The following SWT1 variants were observed in gnomAD, a reference collection of about 807,000 sequenced individuals.
SWT1 encodes the protein transcriptional protein SWT1.
SWT1 carries 33 observed loss-of-function variants against 107.3 expected under a neutral mutation model. The ratio of observed to expected loss-of-function variants is 0.31; its 90% CI spans 0.23 to 0.41. SWT1 has a LOEUF of 0.41. Ranked by LOEUF, SWT1 falls within the 10% of genes least tolerant of loss-of-function variation. SWT1 has a pLI of 1.00. For missense variants in SWT1, 898 were observed against 1,028.9 expected, an observed-to-expected ratio of 0.87 and a Z score of 1.74; for synonymous variants, 345 against 348.3, an observed-to-expected ratio of 0.99 and a Z score of 0.11.
chr1:185,235,851 A>G (rs896948282), intron 16 of SWT1, among the ~76,000 whole-genome samples: 4 of 152,232 alleles, frequency 2.6e-5, no homozygotes, highest in Non-Finnish European at 5.9e-5. Context: ...CAACTTCAGC[A>G]AAGTCTCAGG....
chr1:185,208,349 G>A (rs1658498679), intron 13 of SWT1, among the ~76,000 whole-genome samples: 1 of 152,172 alleles, frequency 6.6e-6, no homozygotes, highest in African/African-American at 2.4e-5. Flanking sequence ...ATTACCAGAG[G>A]ATGGGGAAGG....
chr1:185,167,606 T>C (rs1041234768), intron 3 of SWT1, among the ~76,000 whole-genome samples: 3 of 152,260 alleles, frequency 2.0e-5, no homozygotes, highest in Non-Finnish European at 4.4e-5. Context: ...GCTGAAAATC[T>C]TTACTCACTA....
chr1:185,207,603 T>C (rs1336592253), intron 13 of SWT1, among the ~76,000 whole-genome samples: 1 of 152,252 alleles, frequency 6.6e-6, no homozygotes, highest in Non-Finnish European at 1.5e-5. Flanking sequence ...TGTCTTGTTA[T>C]GCCTTTAAAA....
At chr1:185,264,099 A>G (rs886286404) in intron 16 of SWT1, 2 of 152,608 alleles carry the variant, frequency 1.3e-5, no homozygotes, top group African/African-American at 4.8e-5. Context: ...TGGGTAGGGC[A>G]TAGTCCCTGT....
rs1558012068 is a variant in SWT1 at position 185,174,434 on chromosome 1, C to T, written c.287C>T (p.Pro96Leu). 1.2e-6 allele frequency: 2 copies of T among 1,601,590 alleles called. No homozygotes were observed. The highest frequency in any genetic ancestry group is 1.7e-6 in the Non-Finnish European group (2 of 1,176,302). ...RPKIGSSSQR[P>L]IKLKEASYSN... ...AAAATCGGTTCTTCATCCCAAAGAC[C>T]TATTAAACTCAAAGAAGCATCATAT... Residue 96 changes from proline (P) to leucine (L), a missense_variant, in exon 5 of 19, where the codon CCT (proline) becomes CTT (leucine). By Grantham distance (98) the Pro-to-Leu change is moderately conservative (BLOSUM62 -3). Coordinates refer to ENST00000367500, the MANE Select transcript of SWT1 (RefSeq NM_017673.7).
intron 18 of SWT1, among the ~76,000 whole-genome samples, chr1:185,285,657 A>G (rs999662302): frequency 2.0e-5 from 3 of 152,162 alleles, no homozygotes; most frequent in South Asian, 2.1e-4. Context: ...TAACATTTTT[A>G]TAGTTTTAGC....
Position 185,270,188 on chromosome 1 carries a change from C to T in SWT1, c.2442-1135C>T, listed in dbSNP as rs554831471. On this transcript the variant is annotated intron_variant, in intron 16 of 18. Coordinates refer to ENST00000367500, the MANE Select transcript of SWT1 (RefSeq NM_017673.7). ...GATAAATCACATAAAAGTTAAGTAA[C>T]TCACCAAGGTCACACAGCTAGACAA... 3.3e-5 allele frequency among the ~76,000 whole-genome samples: 5 copies of T among 151,940 alleles called. No individual in the cohort carries two copies. In the East Asian group the frequency reaches 7.7e-4, roughly 23 times the overall value.
intron 16 of SWT1, among the ~76,000 whole-genome samples, chr1:185,252,343 T>A (rs1430782871): frequency 6.6e-6 from 1 of 152,222 alleles, no homozygotes; most frequent in Non-Finnish European, 1.5e-5. Context: ...TCTAGATCCC[T>A]GAGGAATTGC....
At chr1:185,166,920 T>A (rs1654624960) in intron 3 of SWT1, among the ~76,000 whole-genome samples, 1 of 152,148 alleles carries the variant, frequency 6.6e-6, no homozygotes, top group South Asian at 2.1e-4. Context: ...ATATATATTT[T>A]TTTTGAGACA....
At chr1:185,276,731 TTGGTGGTGG>T (rs1157560724) in intron 18 of SWT1, 63 bp downstream of exon 18, 2 of 829,384 alleles carry the variant, frequency 2.4e-6, no homozygotes, top group Non-Finnish European at 3.7e-6. Context: ...ACAGCAGCAC[TTGGTGGTGG>T]TGGTGGTGGT....
intron 13 of SWT1, among the ~76,000 whole-genome samples, chr1:185,207,103 GAATT>G (rs752659785): frequency 6.6e-5 from 10 of 152,316 alleles, no homozygotes; most frequent in East Asian, 5.8e-4. Flanking sequence ...TACACCAATA[GAATT>G]AATTAGACTT....
chr1:185,186,229 C>T (rs567660105), intron 9 of SWT1, among the ~76,000 whole-genome samples: 5 of 152,096 alleles, frequency 3.3e-5, no homozygotes, highest in Non-Finnish European at 7.4e-5. Context: ...TAAGACTCAT[C>T]TATCTTTTTT....
chr1:185,183,516 C>T (rs1264244696), intron 7 of SWT1, among the ~76,000 whole-genome samples: 1 of 152,178 alleles, frequency 6.6e-6, no homozygotes, highest in African/African-American at 2.4e-5. Context: ...CTCCTGACCT[C>T]AGGTGATTGG....
intron 4 of SWT1, among the ~76,000 whole-genome samples, chr1:185,172,499 A>G (rs903448146): frequency 6.6e-6 from 1 of 152,134 alleles, no homozygotes; most frequent in Non-Finnish European, 1.5e-5. Flanking sequence ...TTGTTTTGCT[A>G]TTATAAGTAA....
At chr1:185,197,344 G>A (rs1156432551) in intron 10 of SWT1, among the ~76,000 whole-genome samples, 2 of 152,204 alleles carry the variant, frequency 1.3e-5, no homozygotes, top group Non-Finnish European at 2.9e-5. Flanking sequence ...GCTTTTTGAT[G>A]TGCTGCTGGA....
intron 9 of SWT1, among the ~76,000 whole-genome samples, chr1:185,187,226 A>G (rs530663663): frequency 6.7e-6 from 1 of 149,798 alleles, no homozygotes; most frequent in Non-Finnish European, 1.5e-5. Context: ...TACCCAGCTG[A>G]TTTTTGTATT....
At chr1:185,251,279 A>C (rs1661998066) in intron 16 of SWT1, 1 of 152,548 alleles carries the variant, frequency 6.6e-6, no homozygotes, top group South Asian at 2.1e-4. Flanking sequence ...AGCTACATCA[A>C]TTCTAAATGT....
intron 2 of SWT1, among the ~76,000 whole-genome samples, chr1:185,165,910 G>A (rs917637408): frequency 1.3e-5 from 2 of 152,154 alleles, no homozygotes; most frequent in Non-Finnish European, 2.9e-5. Context: ...TCTCCATTCA[G>A]ATGTCAGCTC....
intron 11 of SWT1, among the ~76,000 whole-genome samples, chr1:185,204,000 C>T (rs901934006): frequency 3.3e-5 from 5 of 151,890 alleles, no homozygotes; most frequent in African/African-American, 9.7e-5. Flanking sequence ...TTAATTTTGC[C>T]ATAAGAAAAT....
Sources: allele counts gnomAD v4.1 joint callset (sites outside exome capture counted in the v4.1 genomes callset), GRCh38; gene constraint gnomAD v4.1.1; transcripts MANE v1.5; gene names NCBI Gene and HGNC (gene_info 2026-07-23, HGNC 2026-07-21).